Variants in CAPN2 observed in about 807,000 individuals in gnomAD.
The protein encoded by CAPN2 is calpain-2 catalytic subunit.
A neutral mutation model predicts 102.3 loss-of-function variants in CAPN2; 92 were observed. The ratio of observed to expected loss-of-function variants is 0.90; its 90% CI spans 0.76 to 1.07. The LOEUF (loss-of-function observed/expected upper bound fraction) is 1.07. CAPN2 is among the 50% of genes least tolerant of loss of function. The pLI is 0.00. For missense variants in CAPN2, 800 were observed against 909.4 expected (o/e 0.88, Z 1.55); for synonymous variants, 340 against 355.4 (o/e 0.96, Z 0.49).
chr1:223,711,506 C>G (rs1009786745), upstream of CAPN2, among the ~76,000 whole-genome samples: 1 of 152,172 alleles, frequency 6.6e-6, no homozygotes, highest in Non-Finnish European at 1.5e-5. Flanking sequence ...AGTATGTATG[C>G]CCATGCAATA....
chr1:223,759,759 A>G lies in CAPN2; in HGVS notation c.1529+278A>G, dbSNP rs1427167549. 6.6e-6 allele frequency among the ~76,000 whole-genome samples: 1 copy of G among 152,192 alleles called. No individual in the cohort carries two copies. Among genetic ancestry groups the G allele is most frequent in the East Asian group, 1.9e-4 (1 of 5,198 alleles). ...TCTAATTTCATAAGCGTGTCTCTGAATTCTCAAGTTGGTACTTTAATGTTA... is the reference window on the plus strand; with the variant it reads ...TCTAATTTCATAAGCGTGTCTCTGAGTTCTCAAGTTGGTACTTTAATGTTA... On this transcript the variant is annotated intron_variant, in intron 12 of 20. Transcript: ENST00000295006. The surrounding 1 kb of genome is among the most constrained non-coding windows in gnomAD (Gnocchi z 4.6).
chr1:223,725,202 CT>C lies in CAPN2; in HGVS notation c.307+7372del, dbSNP rs1467500593. On this transcript the variant is annotated intron_variant, in intron 2 of 20. Transcript: ENST00000295006. The surrounding 1 kb of genome is among the most constrained non-coding windows in gnomAD (Gnocchi z 4.1). The stretch of plus-strand genomic sequence containing the variant: ...CCTGGCTAACACGGTGAAAACCCAT[CT>C]CTACAAAACTACAATATGAAATACA... 6.6e-6 allele frequency among the ~76,000 whole-genome samples: 1 copy of C among 152,122 alleles called. No individual in the cohort carries two copies. Among genetic ancestry groups the C allele is most frequent in the Non-Finnish European group, 1.5e-5 (1 of 68,026 alleles).
chr1:223,721,361 A>C (rs1660047761), intron 2 of CAPN2, among the ~76,000 whole-genome samples: 1 of 152,204 alleles, frequency 6.6e-6, no homozygotes, highest in Non-Finnish European at 1.5e-5. Context: ...GGAAACTCCA[A>C]GGCTGAGCTG....
Position 223,712,694 on chromosome 1 carries a change from G to A in CAPN2, c.54G>A (p.Leu18=), listed in dbSNP as rs774011873. Residue 18 remains leucine, a synonymous_variant, in exon 1 of 21, where the codon CTG becomes CTA. Coordinates refer to ENST00000295006, the MANE Select transcript of CAPN2 (RefSeq NM_001748.5). ...AGGACCGGGAGGCGGCCGAGGGGCT[G>A]GGCTCCCACGACAGGGCCATCAAGT... is the stretch of plus-strand genomic sequence containing the variant. The part of the protein sequence containing the change: ...LAKDREAAEG[L]GSHDRAIKYL... 2 of 1,572,096 alleles carry A rather than the reference G, an allele frequency of 1.3e-6. No individual in the cohort carries two copies. Among genetic ancestry groups the A allele is most frequent in the Non-Finnish European group, 8.6e-7 (1 of 1,161,826 alleles).
chr1:223,746,924 G>T, intron 4 of CAPN2, 73 bp from the exon 5 acceptor site: 1 of 1,373,304 alleles, frequency 7.3e-7, no homozygotes, highest in Non-Finnish European at 1.0e-6. Context: ...GACGGTACTA[G>T]GGGGTGGCTG....
In CAPN2 at chr1:223,725,730, C is replaced by T. The variant is rs958120002; in HGVS notation, c.307+7899C>T. 1.3e-5 allele frequency among the ~76,000 whole-genome samples: 2 copies of T among 152,148 alleles called. No individual in the cohort carries two copies. The highest frequency in any genetic ancestry group is 2.1e-4 in the South Asian group (1 of 4,828). ...GTTTCCTGCTGTAATTTTCTTTGGT[C>T]ACACAATGGTCATGGCCTCCTGATG... is the stretch of plus-strand genomic sequence containing the variant. On this transcript the variant is annotated intron_variant, in intron 2 of 20. Coordinates refer to ENST00000295006, the MANE Select transcript of CAPN2 (RefSeq NM_001748.5). The surrounding 1 kb of genome is among the most constrained non-coding windows in gnomAD (Gnocchi z 4.1).
rs976756057 is a variant in CAPN2 at position 223,775,051 on chromosome 1, A to G, written c.*194A>G. ...TCACACATCAAAGTAAAAGATTTGC[A>G]TATCATTATACTAAATGCAAATGAG... On this transcript the variant is annotated 3_prime_UTR_variant, in exon 21 of 21. Coordinates refer to ENST00000295006, the MANE Select transcript of CAPN2 (RefSeq NM_001748.5). 33 of 604,770 alleles carry G rather than the reference A, an allele frequency of 5.5e-5. No homozygotes were observed. In the African/African-American group the frequency reaches 5.9e-4, roughly 11 times the overall value. The allele number at this position is 604,770 out of a possible 1,614,324, so 37.5% of individuals were successfully genotyped here.
chr1:223,757,599 G>A lies in CAPN2; in HGVS notation c.1317+219G>A. 7.0e-6 allele frequency: 4 copies of A among 568,834 alleles called. No individual in the cohort carries two copies. The South Asian group carries it at 9.6e-5, about 14-fold the overall frequency. The allele number at this position is 568,834 out of a possible 1,614,324, so 35.2% of individuals were successfully genotyped here. ...CTGGAAAGTCCTTGTGGGACCCGCT[G>A]CCTCCCTGTGACCTGGCAGAGCCCA... On this transcript the variant is annotated intron_variant, in intron 11 of 20. Transcript: ENST00000295006.
chr1:223,744,400 C>A (rs112239533), intron 3 of CAPN2, among the ~76,000 whole-genome samples, 182 bp downstream of exon 3: 4 of 152,128 alleles, frequency 2.6e-5, no homozygotes, highest in African/African-American at 9.6e-5. Flanking sequence ...GGATGTGAGA[C>A]CCGGCTGGGA....
At chr1:223,766,509 C>T (rs747014870) in intron 16 of CAPN2, 78 bp downstream of exon 16, 4 of 1,150,260 alleles carry the variant, frequency 3.5e-6, no homozygotes, top group Non-Finnish European at 5.2e-6. Flanking sequence ...AACACATGGC[C>T]TTCTCCCTTT....
In CAPN2 at chr1:223,755,682, C is replaced by T. The variant is rs745335741; in HGVS notation, c.1305+33C>T. The T allele has an allele frequency of 6.6e-6, 10 of 1,525,274 alleles. No homozygotes were observed. Among genetic ancestry groups the T allele is most frequent in the Non-Finnish European group, 8.8e-6 (10 of 1,135,318 alleles). 94.5% of individuals were successfully genotyped at this position (1,525,274 alleles called of 1,614,324 possible). On this transcript the variant is annotated intron_variant, in intron 10 of 20. Coordinates refer to ENST00000295006, the MANE Select transcript of CAPN2 (RefSeq NM_001748.5). This position sits in a 1 kb window ranked among gnomAD's most constrained non-coding sequence, Gnocchi z 4.1. Reference sequence around the variant, plus strand: ...GCGCAGGGGCTCCTGCCCTCCCTTCCCCATGTGTTCATCTCAGCCCCTGCA... The same window carrying T: ...GCGCAGGGGCTCCTGCCCTCCCTTCTCCATGTGTTCATCTCAGCCCCTGCA...
At chr1:223,703,633 C>A (rs1659534591) in intron 1 of CAPN2, among the ~76,000 whole-genome samples, 1 of 152,238 alleles carries the variant, frequency 6.6e-6, no homozygotes, top group African/African-American at 2.4e-5. Flanking sequence ...CCTTCCCCAT[C>A]TCTTTTCATA....
chr1:223,750,581 T>C (rs1473191621), intron 6 of CAPN2, among the ~76,000 whole-genome samples: 2 of 152,234 alleles, frequency 1.3e-5, no homozygotes, highest in Non-Finnish European at 2.9e-5. Context: ...TGAGCTCCTT[T>C]ACCAAAAGCG....
In CAPN2 at chr1:223,717,644, C is replaced by T; in HGVS notation, c.238-118C>T. On this transcript the variant is annotated intron_variant, in intron 1 of 20. Transcript: ENST00000295006. Reference sequence around the variant, plus strand: ...AGTTCTGACTGTGATGACACACTTTCCCCAGAGGGGAGGGGAAGGGGAGAA... The same window carrying T: ...AGTTCTGACTGTGATGACACACTTTTCCCAGAGGGGAGGGGAAGGGGAGAA... 4 of 769,262 alleles carry T rather than the reference C, an allele frequency of 5.2e-6. No homozygotes were observed. In the South Asian group the frequency reaches 6.2e-5, roughly 12 times the overall value. The allele number at this position is 769,262 out of a possible 1,614,324, so 47.7% of individuals were successfully genotyped here.
In CAPN2 at chr1:223,769,106, G is replaced by GT. The variant is rs34800476; in HGVS notation, c.1756-732dup. 5.3e-3 allele frequency among the ~76,000 whole-genome samples: 799 copies of GT among 152,072 alleles called. 1 individual carries two copies. Among genetic ancestry groups the GT allele is most frequent in the Non-Finnish European group, 9.5e-3 (649 of 67,964 alleles). The stretch of plus-strand genomic sequence containing the variant: ...CCTAAGCTTCTGTGAAGTTTTTTCT[G>GT]TTTGTTTGTTTAGTTGGTTGGTTGG... On this transcript the variant is annotated intron_variant, in intron 16 of 20. Coordinates refer to ENST00000295006, the MANE Select transcript of CAPN2 (RefSeq NM_001748.5).
intron 2 of CAPN2, among the ~76,000 whole-genome samples, chr1:223,718,212 A>C (rs1659934637): frequency 6.6e-6 from 1 of 152,236 alleles, no homozygotes; most frequent in African/African-American, 2.4e-5. Context: ...CAGACCAATG[A>C]CAGCACTGAG....
Position 223,747,081 on chromosome 1 carries a change from T to C in CAPN2, c.645T>C (p.Tyr215=). The change falls in exon 5 of 21, where the codon TAT becomes TAC. Residue 215 remains tyrosine (Y), a synonymous_variant. Transcript: ENST00000295006. ...EDFTGGIAEW[Y]ELKKPPPNLF... ...TCACCGGAGGCATTGCTGAGTGGTA[T>C]GAGTTGAAGAAGCCCCCTCCCAACC... The C allele has an allele frequency of 6.2e-7, 1 of 1,614,052 alleles. No homozygotes were observed.
intron 16 of CAPN2, among the ~76,000 whole-genome samples, 169 bp downstream of exon 16, chr1:223,766,600 G>A (rs1474952246): frequency 2.0e-5 from 3 of 152,146 alleles, no homozygotes; most frequent in East Asian, 1.9e-4. Context: ...AGGGAAATGC[G>A]AGAACCCTCT....
intron 4 of CAPN2, among the ~76,000 whole-genome samples, chr1:223,746,604 A>C (rs1243177473): frequency 1.3e-5 from 2 of 151,010 alleles, no homozygotes; most frequent in African/African-American, 4.9e-5. Context: ...CAGCCTCCCA[A>C]GTAGCTGGGA....
Sources: gnomAD v4.1 joint callset for allele counts (sites outside exome capture counted in the v4.1 genomes callset) on GRCh38, gnomAD v4.1.1 for gene constraint, Gnocchi (gnomAD v3.1) non-coding constraint, MANE v1.5 for transcripts, NCBI Gene and HGNC (gene_info 2026-07-23, HGNC 2026-07-21) for gene names.